Variants in ARID1A observed in about 807,000 individuals in gnomAD.
ARID1A encodes AT-rich interactive domain-containing protein 1A.
ARID1A carries 20 observed loss-of-function variants against 212.6 expected under a neutral mutation model. That is an observed-to-expected ratio of 0.09 (90% CI 0.07 to 0.14). The LOEUF (loss-of-function observed/expected upper bound fraction) is 0.14, where lower values mean the gene tolerates loss of function less well. ARID1A is among the 10% of genes least tolerant of loss of function. ARID1A has a pLI of 1.00. For synonymous variants in ARID1A, 1,376 were observed against 1,222.1 expected, an observed-to-expected ratio of 1.13 and a Z score of -2.63; for missense variants, 2,587 against 3,059.0, an observed-to-expected ratio of 0.85 and a Z score of 3.64.
intron 1 of ARID1A, among the ~76,000 whole-genome samples, chr1:26,710,812 TTA>T (rs1180788069): frequency 6.6e-6 from 1 of 152,210 alleles, no homozygotes; most frequent in Non-Finnish European, 1.5e-5. Flanking sequence ...GATTGATGTT[TTA>T]TGTCTATGTG....
chr1:26,709,079 T>C (rs1447335796), intron 1 of ARID1A, among the ~76,000 whole-genome samples: 1 of 152,192 alleles, frequency 6.6e-6, no homozygotes, highest in Non-Finnish European at 1.5e-5. Context: ...GAGTCATCTC[T>C]AAAACCTAGG....
At chr1:26,721,103 T>G (rs548008960) in intron 1 of ARID1A, among the ~76,000 whole-genome samples, 33 of 152,020 alleles carry the variant, frequency 2.2e-4, no homozygotes, top group African/African-American at 8.0e-4. Flanking sequence ...CCTTTTGAGA[T>G]AAAAAGTTGT....
intron 19 of ARID1A, chr1:26,778,814 G>A (rs1015890248): frequency 2.0e-5 from 9 of 452,520 alleles, no homozygotes; most frequent in African/African-American, 1.2e-4. Flanking sequence ...ATAGGCTTAC[G>A]TGAAGGTAGG....
At chr1:26,757,671 T>A (rs1327203444) in intron 4 of ARID1A, among the ~76,000 whole-genome samples, 1 of 146,274 alleles carries the variant, frequency 6.8e-6, no homozygotes, top group African/African-American at 2.5e-5. Context: ...TAATCAAAAC[T>A]TTTTTTTTTT....
Position 26,774,414 on chromosome 1 carries a change from G to C in ARID1A, c.4187G>C (p.Gly1396Ala), listed in dbSNP as rs1322459332. The C allele has an allele frequency of 6.2e-7, 1 of 1,612,602 alleles. No homozygotes were observed. Among genetic ancestry groups the C allele is most frequent in the Non-Finnish European group, 8.5e-7 (1 of 1,179,120 alleles). Residue 1396 changes from glycine to alanine, a missense_variant, in exon 18 of 20, where the codon GGG becomes GCG. Transcript: ENST00000324856. This position sits in a 1 kb window ranked among gnomAD's most constrained non-coding sequence, Gnocchi z 5.6. ...GEMYSVPYST[G>A]QGQPQQQQLP... Reference sequence around the variant, plus strand: ...ATGTACAGCGTGCCATACAGCACTGGGCAGGGGCAGCCTCAGCAGCAGCAG... The same window carrying C: ...ATGTACAGCGTGCCATACAGCACTGCGCAGGGGCAGCCTCAGCAGCAGCAG...
chr1:26,701,348 G>A (rs2080330102), intron 1 of ARID1A, among the ~76,000 whole-genome samples: 1 of 152,168 alleles, frequency 6.6e-6, no homozygotes, highest in Non-Finnish European at 1.5e-5. Context: ...CTTGAATGGA[G>A]TCCTGATTCC....
In ARID1A at chr1:26,771,291, A is replaced by G; in HGVS notation, c.3371A>G (p.Lys1124Arg). Residue 1124 changes from lysine (K) to arginine (R), a missense_variant, in exon 12 of 20, where the codon AAG (lysine) becomes AGG (arginine). By Grantham distance (26) the Lys-to-Arg change is conservative. This residue lies in a region of ARID1A where 890 missense variants were observed against 1,098.2 expected (regional missense o/e 0.81). Transcript: ENST00000324856. This position sits in a 1 kb window ranked among gnomAD's most constrained non-coding sequence, Gnocchi z 5.4. ...GACATCTTTGCAGCTGCTGATTCCA[A>G]GAAGTCCCAGCCCAAGATCCAGCCT... ...PPDIFAAADS[K>R]KSQPKIQPPS... The G allele has an allele frequency of 6.2e-7, 1 of 1,614,170 alleles. No individual in the cohort carries two copies. Among genetic ancestry groups the G allele is most frequent in the Non-Finnish European group, 8.5e-7 (1 of 1,180,034 alleles).
chr1:26,768,062 A>C (rs1313759467), intron 11 of ARID1A, 63 bp downstream of exon 11: 12 of 1,522,860 alleles, frequency 7.9e-6, no homozygotes, highest in Non-Finnish European at 1.1e-5. Flanking sequence ...CTAGGTACTC[A>C]CTGGCTTCAT....
At chr1:26,750,474 C>G (rs1309194343) in intron 4 of ARID1A, among the ~76,000 whole-genome samples, 7 of 152,092 alleles carry the variant, frequency 4.6e-5, no homozygotes, top group Non-Finnish European at 4.4e-5. Flanking sequence ...GCTTTTAAAG[C>G]CTCTAGAAAG....
intron 1 of ARID1A, among the ~76,000 whole-genome samples, chr1:26,712,347 A>C (rs1408852872): frequency 6.6e-6 from 1 of 152,032 alleles, no homozygotes; most frequent in African/African-American, 2.4e-5. Flanking sequence ...TTTTGCTGTG[A>C]ATTCCTTTCC....
chr1:26,710,528 C>CACAG (rs1553147494), intron 1 of ARID1A, among the ~76,000 whole-genome samples: 2,896 of 148,306 alleles, frequency 0.02, 44 homozygotes, highest in Non-Finnish European at 0.032. Context: ...CACACACACA[C>CACAG]CACTTGTTGT....
intron 19 of ARID1A, chr1:26,778,478 T>G (rs1470672577): frequency 6.6e-6 from 1 of 152,400 alleles, no homozygotes; most frequent in African/African-American, 2.4e-5. Flanking sequence ...GACCAGTGTT[T>G]GGAGAGCTGA....
intron 4 of ARID1A, among the ~76,000 whole-genome samples, chr1:26,756,169 T>C (rs1212783177): frequency 6.6e-6 from 1 of 151,922 alleles, no homozygotes; most frequent in Non-Finnish European, 1.5e-5. Context: ...CCCAGAACGT[T>C]AGGAGGCTGA....
At chr1:26,778,216 A>G (rs1051101779) in intron 19 of ARID1A, 3 of 151,854 alleles carry the variant, frequency 2.0e-5, no homozygotes, top group African/African-American at 7.3e-5. Context: ...GCCAACTGAG[A>G]TCACACCACT....
In ARID1A at chr1:26,706,546, C is replaced by T. The variant is rs998505132; in HGVS notation, c.1137+9006C>T. Among the ~76,000 whole-genome samples, 3 of 152,208 alleles carry T rather than the reference C, an allele frequency of 2.0e-5. No individual in the cohort carries two copies. The South Asian group carries it at 6.2e-4, about 32-fold the overall frequency. On this transcript the variant is annotated intron_variant, in intron 1 of 19. Coordinates refer to ENST00000324856, the MANE Select transcript of ARID1A (RefSeq NM_006015.6). The stretch of plus-strand genomic sequence containing the variant: ...TTTGGGCCCAGCTGTTTACTCTCAA[C>T]TGCCGTGTACTTTGACTTTAAGAAA...
chr1:26,771,840 G>C lies in ARID1A; in HGVS notation c.3406+514G>C, dbSNP rs2081085055. ...TGAGGCCTAGGGTGAGCCTAGAGAG[G>C]GAAGAAGGCCAGGGTGCCTGGAAGG... is the stretch of plus-strand genomic sequence containing the variant. On this transcript the variant is annotated intron_variant, in intron 12 of 19. Coordinates refer to ENST00000324856, the MANE Select transcript of ARID1A (RefSeq NM_006015.6). This position sits in a 1 kb window ranked among gnomAD's most constrained non-coding sequence, Gnocchi z 5.4. 6.0e-6 allele frequency: 1 copy of C among 167,714 alleles called. No homozygotes were observed. The highest frequency in any genetic ancestry group is 5.7e-5 in the Admixed American group (1 of 17,516). The allele number at this position is 167,714 out of a possible 1,614,324, so 10.4% of individuals were successfully genotyped here.
At chr1:26,772,219 G>A (rs866700461) in intron 12 of ARID1A, 4 of 444,226 alleles carry the variant, frequency 9.0e-6, no homozygotes, top group Middle Eastern at 6.2e-4. Context: ...AAGAGAAATA[G>A]CCAGGGAAGC....
chr1:26,712,267 T>G (rs1382407409), intron 1 of ARID1A, among the ~76,000 whole-genome samples: 1 of 152,156 alleles, frequency 6.6e-6, no homozygotes, highest in Non-Finnish European at 1.5e-5. Flanking sequence ...GTTGGGTGAT[T>G]TGGTGTTCTC....
intron 4 of ARID1A, among the ~76,000 whole-genome samples, chr1:26,737,355 C>T (rs1001011608): frequency 6.6e-6 from 1 of 152,024 alleles, no homozygotes; most frequent in Non-Finnish European, 1.5e-5. Flanking sequence ...TGAGCTCAAG[C>T]AGTCTGCCCG....
Sources: allele counts gnomAD v4.1 joint callset (sites outside exome capture counted in the v4.1 genomes callset), GRCh38; gene constraint gnomAD v4.1.1; regional missense constraint gnomAD v4.1.1; non-coding constraint Gnocchi (gnomAD v3.1); transcripts MANE v1.5; gene names NCBI Gene and HGNC (gene_info 2026-07-23, HGNC 2026-07-21).